Variants in IFT25 observed in about 807,000 individuals in gnomAD.
The protein encoded by IFT25 is intraflagellar transport 25.
the IFT25 span, among the ~76,000 whole-genome samples, chr1:53,933,402 G>A: frequency 1.3e-5 from 2 of 152,114 alleles, no homozygotes; most frequent in African/African-American, 4.8e-5. Context: ...CCAAAGTGCT[G>A]GGATTGCAGG....
At chr1:53,928,086 T>C in the IFT25 span, among the ~76,000 whole-genome samples, 1 of 152,230 alleles carries the variant, frequency 6.6e-6, no homozygotes. Flanking sequence ...TTGTCTATTA[T>C]ATGCCAGACA....
chr1:53,922,541 T>C, the IFT25 span, among the ~76,000 whole-genome samples: 3 of 152,324 alleles, frequency 2.0e-5, no homozygotes, highest in Admixed American at 2.0e-4. Context: ...TTAGCCAATA[T>C]ATTTTAAAAG....
the IFT25 span, among the ~76,000 whole-genome samples, chr1:53,918,511 G>C: frequency 4.6e-5 from 7 of 152,202 alleles, no homozygotes; most frequent in African/African-American, 7.2e-5. Context: ...TCATTGGCCA[G>C]AACTGGTCAC....
chr1:53,920,563 A>G, the IFT25 span, among the ~76,000 whole-genome samples: 910 of 152,298 alleles, frequency 6.0e-3, 9 homozygotes, highest in African/African-American at 0.021. Flanking sequence ...GGTTCCAATT[A>G]ATGGGAAAGG....
At chr1:53,911,897 G>A in the IFT25 span, among the ~76,000 whole-genome samples, 1 of 152,158 alleles carries the variant, frequency 6.6e-6, no homozygotes, top group Non-Finnish European at 1.5e-5. Flanking sequence ...GTCATGAAGT[G>A]TTGGCTATTA....
chr1:53,928,060 G>A, the IFT25 span, among the ~76,000 whole-genome samples: 2 of 152,186 alleles, frequency 1.3e-5, no homozygotes. Context: ...GAAAGAAGAT[G>A]AGAAACTAAT....
At chr1:53,911,873 G>C in the IFT25 span, among the ~76,000 whole-genome samples, 1 of 152,156 alleles carries the variant, frequency 6.6e-6, no homozygotes, top group African/African-American at 2.4e-5. Context: ...AACTGTGCCT[G>C]ACTTGGAGAA....
At chr1:53,925,406 A>G in the IFT25 span, among the ~76,000 whole-genome samples, 1 of 151,700 alleles carries the variant, frequency 6.6e-6, no homozygotes, top group East Asian at 1.9e-4. Flanking sequence ...CACACCTGTA[A>G]TCCCAGCATT....
At chr1:53,913,313 C>T in the IFT25 span, among the ~76,000 whole-genome samples, 1 of 152,298 alleles carries the variant, frequency 6.6e-6, no homozygotes, top group South Asian at 2.1e-4. Context: ...CTGCCTGATC[C>T]TGCTTCTCTC....
the IFT25 span, among the ~76,000 whole-genome samples, chr1:53,922,634 A>C: frequency 0.22 from 33,213 of 152,048 alleles, 5,498 homozygotes; most frequent in African/African-American, 0.47. Flanking sequence ...AGGTGAAGGT[A>C]CCAGTAGCAG....
At chr1:53,912,304 T>C in the IFT25 span, among the ~76,000 whole-genome samples, 17,101 of 152,216 alleles carry the variant, frequency 0.11, 1,128 homozygotes, top group African/African-American at 0.18. Flanking sequence ...GACCCCCGGC[T>C]TTCCAATTAG....
chr1:53,918,184 C>T, the IFT25 span, among the ~76,000 whole-genome samples: 4 of 152,256 alleles, frequency 2.6e-5, no homozygotes, highest in African/African-American at 4.8e-5. Context: ...AATTCCTTTA[C>T]CCAAAATACT....
chr1:53,940,014 T>C, the IFT25 span: 1 of 1,609,774 alleles, frequency 6.2e-7, no homozygotes, highest in East Asian at 2.2e-5. Context: ...GTGGGTGTTT[T>C]TCATCACTTG....
At chr1:53,935,478 A>G in the IFT25 span, among the ~76,000 whole-genome samples, 1 of 150,596 alleles carries the variant, frequency 6.6e-6, no homozygotes, top group African/African-American at 2.5e-5. Flanking sequence ...GGGATGATGA[A>G]AACGTTCTAA....
chr1:53,928,361 G>GA, the IFT25 span: 5 of 1,603,086 alleles, frequency 3.1e-6, no homozygotes, highest in Non-Finnish European at 4.3e-6. Flanking sequence ...CAATGCTGGT[G>GA]AAACACATAC....
At chr1:53,933,132 T>A in the IFT25 span, among the ~76,000 whole-genome samples, 1 of 147,482 alleles carries the variant, frequency 6.8e-6, no homozygotes, top group Non-Finnish European at 1.5e-5. Flanking sequence ...TCTTCCTTTT[T>A]CTCTTTTTTT....
At chr1:53,914,140 T>A in the IFT25 span, among the ~76,000 whole-genome samples, 3 of 152,184 alleles carry the variant, frequency 2.0e-5, no homozygotes, top group Admixed American at 6.5e-5. Flanking sequence ...ACATTCTCCA[T>A]CCTCCTGAGC....
the IFT25 span, among the ~76,000 whole-genome samples, chr1:53,931,934 T>C: frequency 6.6e-6 from 1 of 152,216 alleles, no homozygotes; most frequent in Non-Finnish European, 1.5e-5. Flanking sequence ...AAAATTTAGA[T>C]TATTGGTTTT....
the IFT25 span, chr1:53,940,027 GTAGCTA>G: frequency 2.9e-5 from 46 of 1,611,704 alleles, no homozygotes; most frequent in Admixed American, 1.7e-4. Flanking sequence ...ATCACTTGAT[GTAGCTA>G]AAATCACTTC....
Sources: allele counts gnomAD v4.1 joint callset (sites outside exome capture counted in the v4.1 genomes callset), GRCh38; gene constraint gnomAD v4.1.1; transcripts MANE v1.5; gene names NCBI Gene and HGNC (gene_info 2026-07-23, HGNC 2026-07-21).